The following PDGFD variants were observed in gnomAD, a reference collection of about 807,000 sequenced individuals.
PDGFD encodes the protein platelet-derived growth factor D.
A neutral mutation model predicts 44.7 loss-of-function variants in PDGFD; 30 were observed. The observed-to-expected ratio is 0.67, with a 90% CI of 0.50 to 0.91. The LOEUF (loss-of-function observed/expected upper bound fraction) is 0.91, where lower values mean the gene tolerates loss of function less well. Ranked by LOEUF, PDGFD falls within the 40% of genes least tolerant of loss-of-function variation. The pLI, the probability that PDGFD is intolerant of heterozygous loss-of-function variation, is 0.00. For synonymous variants in PDGFD, 173 were observed against 168.4 expected (o/e 1.03, Z -0.21); for missense variants, 445 against 457.8 (o/e 0.97, Z 0.25).
At position 103,907,383 on chromosome 11, in the gene PDGFD, G is replaced by T. The variant is rs917667680; in HGVS notation, c.*2311C>A. The T allele has an allele frequency of 6.6e-6, 1 of 152,190 alleles. No homozygotes were observed. The highest frequency in any genetic ancestry group is 2.4e-5 in the African/African-American group (1 of 41,450). 9.4% of individuals were successfully genotyped at this position (152,190 alleles called of 1,614,324 possible). A position where few individuals can be genotyped will look rare whatever the true frequency, so the allele number is the denominator to read the frequency against. On this transcript the variant is annotated 3_prime_UTR_variant, in exon 7 of 7. Coordinates refer to ENST00000393158, the MANE Select transcript of PDGFD (RefSeq NM_025208.5). ...TTATTCCAGGTGAATGAGCCATGCG[G>T]AAATGTGGATTTATTAGGGTTTGTT...
intron 1 of PDGFD, among the ~76,000 whole-genome samples, chr11:104,106,436 T>C (rs1195870997): frequency 6.6e-6 from 1 of 152,222 alleles, no homozygotes; most frequent in Non-Finnish European, 1.5e-5. Context: ...CAAAAACTTC[T>C]GTTTGTGTTT....
At position 103,915,735 on chromosome 11, in the gene PDGFD, C is replaced by T. The variant is rs1858113191; in HGVS notation, c.988-5916G>A. On this transcript the variant is annotated intron_variant, in intron 6 of 6. Coordinates refer to ENST00000393158, the MANE Select transcript of PDGFD (RefSeq NM_025208.5). ...AACCAAAACTGCATGGTACTGGTACCAAAACAGATATATAGACCAATGGAA... is the reference window on the plus strand; with the variant it reads ...AACCAAAACTGCATGGTACTGGTACTAAAACAGATATATAGACCAATGGAA... Among the ~76,000 whole-genome samples, 3 of 152,142 alleles carry T rather than the reference C, an allele frequency of 2.0e-5. No individual in the cohort carries two copies. In the Middle Eastern group the frequency reaches 0.01, roughly 517 times the overall value.
chr11:104,095,298 T>C (rs1861268381), intron 1 of PDGFD, among the ~76,000 whole-genome samples: 1 of 152,114 alleles, frequency 6.6e-6, no homozygotes, highest in Non-Finnish European at 1.5e-5. Context: ...TTTTTTTCAA[T>C]ACTGTATACG....
chr11:104,038,185 G>A, intron 1 of PDGFD: 1 of 686,974 alleles, frequency 1.5e-6, no homozygotes, highest in Non-Finnish European at 2.4e-6. Flanking sequence ...CTTGGTCTTG[G>A]TCCCTCTTCC....
intron 3 of PDGFD, among the ~76,000 whole-genome samples, chr11:103,970,529 CA>C: frequency 6.6e-6 from 1 of 152,156 alleles, no homozygotes; most frequent in Admixed American, 6.5e-5. Context: ...AATCATTTTG[CA>C]AGTACTTTAA....
chr11:103,915,320 C>T (rs1326392712), intron 6 of PDGFD, among the ~76,000 whole-genome samples: 1 of 152,056 alleles, frequency 6.6e-6, no homozygotes, highest in African/African-American at 2.4e-5. Flanking sequence ...AACAGAGAGC[C>T]AAATCATGAG....
intron 6 of PDGFD, among the ~76,000 whole-genome samples, chr11:103,921,790 TGTGC>T (rs1433918495): frequency 6.7e-6 from 1 of 149,844 alleles, no homozygotes; most frequent in African/African-American, 2.5e-5. Context: ...ATGCTATAAA[TGTGC>T]CAGAATCAGA....
intron 1 of PDGFD, among the ~76,000 whole-genome samples, chr11:104,119,670 G>A (rs1021036544): frequency 1.5e-4 from 11 of 73,990 alleles, no homozygotes; most frequent in African/African-American, 4.4e-4. Flanking sequence ...ATTATATATC[G>A]ATATATATAT....
intron 3 of PDGFD, among the ~76,000 whole-genome samples, chr11:103,964,107 T>A (rs1421893571): frequency 1.3e-5 from 2 of 152,182 alleles, no homozygotes; most frequent in African/African-American, 4.8e-5. Context: ...CTTGGTCATG[T>A]GATTTGCTTT....
In PDGFD at chr11:104,163,838, G is replaced by C; in HGVS notation, c.90C>G (p.Ile30Met). Reference sequence around the variant, plus strand: ...TGAGGTTGGCGTTGCGCAAAGCTTTGATGGATGCGCTCTGCGGGGTTGCAG... The same window carrying C: ...TGAGGTTGGCGTTGCGCAAAGCTTTCATGGATGCGCTCTGCGGGGTTGCAG... ...DTSATPQSAS[I>M]KALRNANLRR... is the part of the protein sequence containing the mutation. Residue 30 changes from isoleucine (I) to methionine (M), a missense_variant, in exon 1 of 7, where the codon ATC becomes ATG. Coordinates refer to ENST00000393158, the MANE Select transcript of PDGFD (RefSeq NM_025208.5). The C allele has an allele frequency of 1.3e-6, 2 of 1,571,566 alleles. No individual in the cohort carries two copies. Among genetic ancestry groups the C allele is most frequent in the Non-Finnish European group, 1.7e-6 (2 of 1,149,248 alleles).
chr11:104,039,414 A>C (rs918541047), intron 1 of PDGFD, among the ~76,000 whole-genome samples: 2 of 152,124 alleles, frequency 1.3e-5, no homozygotes, highest in Non-Finnish European at 2.9e-5. Flanking sequence ...GATACAGAAA[A>C]AAATAACTCT....
At chr11:104,082,626 TTG>T (rs1861061082) in intron 1 of PDGFD, among the ~76,000 whole-genome samples, 1 of 1,596 alleles carries the variant, frequency 6.3e-4, no homozygotes, top group South Asian at 0.045. Context: ...ATAAATAAAT[TTG>T]TTTTTTTTTG....
rs570682367 is a variant in PDGFD, at chr11:104,118,716, AT to A, written c.124+45087del. On this transcript the variant is annotated intron_variant, in intron 1 of 6. Coordinates refer to ENST00000393158, the MANE Select transcript of PDGFD (RefSeq NM_025208.5). The stretch of plus-strand genomic sequence containing the variant: ...TCACCATCTCCTTAATTTATATATT[AT>A]TATGTTATTAATATATTAATATATA... Among the ~76,000 whole-genome samples the A allele has an allele frequency of 7.1e-3, 576 of 81,612 alleles. 11 individuals are homozygous for A. The highest frequency in any genetic ancestry group is 0.024 in the African/African-American group (537 of 22,764). The allele number at this position is 81,612 out of a possible 152,430, so 53.5% of individuals were successfully genotyped here. A position where few individuals can be genotyped will look rare whatever the true frequency, so the allele number is the denominator to read the frequency against.
At position 103,925,716 on chromosome 11, in the gene PDGFD, C is replaced by CACATATAT. The variant is rs1198529368; in HGVS notation, c.987+1195_987+1196insATATATGT. Among the ~76,000 whole-genome samples the CACATATAT allele has an allele frequency of 4.5e-3, 556 of 122,756 alleles. 9 individuals are homozygous for CACATATAT. The highest frequency in any genetic ancestry group is 0.017 in the African/African-American group (524 of 31,074). The allele number at this position is 122,756 out of a possible 152,430, so 80.5% of individuals were successfully genotyped here. A position where few individuals can be genotyped will look rare whatever the true frequency, so the allele number is the denominator to read the frequency against. Reference sequence around the variant, plus strand: ...ATATATATACACAGACACACACACACATATATATATATATATATATGTAAT... The same window carrying CACATATAT: ...ATATATATACACAGACACACACACACACATATATATATATATATATATATATATGTAAT... On this transcript the variant is annotated intron_variant, in intron 6 of 6. Transcript: ENST00000393158.
Position 104,030,165 on chromosome 11 carries a change from CATT to C in PDGFD, c.125-29913_125-29911del, listed in dbSNP as rs145923619. ...CTTAGGTCCCATTTTAAAGACATCT[CATT>C]ATGTATAAGCGAATATTCCAAAACT... On this transcript the variant is annotated intron_variant, in intron 1 of 6. Transcript: ENST00000393158. 1.5e-4 allele frequency among the ~76,000 whole-genome samples: 23 copies of C among 152,340 alleles called. No homozygotes were observed. In the East Asian group the frequency reaches 4.4e-3, roughly 29 times the overall value.
In PDGFD at chr11:104,034,574, T is replaced by G. The variant is rs1860187533; in HGVS notation, c.125-34319A>C. Reference sequence around the variant, plus strand: ...GAAACTAGGCAGAGGATATCGACTATCTTGGTTCATAAGTAGGTACACCTG... The same window carrying G: ...GAAACTAGGCAGAGGATATCGACTAGCTTGGTTCATAAGTAGGTACACCTG... On this transcript the variant is annotated intron_variant, in intron 1 of 6. Coordinates refer to ENST00000393158, the MANE Select transcript of PDGFD (RefSeq NM_025208.5). 2.0e-5 allele frequency among the ~76,000 whole-genome samples: 3 copies of G among 151,746 alleles called. No homozygotes were observed. In the South Asian group the frequency reaches 6.2e-4, roughly 32 times the overall value.
intron 1 of PDGFD, among the ~76,000 whole-genome samples, chr11:104,140,229 T>G (rs1317242362): frequency 2.0e-5 from 3 of 152,302 alleles, no homozygotes; most frequent in South Asian, 2.1e-4. Flanking sequence ...ATAATGCCAA[T>G]TAGCATTTTG....
At position 103,968,346 on chromosome 11, in the gene PDGFD, C is replaced by T. The variant is rs566855913; in HGVS notation, c.511-20622G>A. ...CAAGAAATCTTTACTGAGATCAGAT[C>T]GTTTTCCCAAATTCCCTCTGGCCAT... On this transcript the variant is annotated intron_variant, in intron 3 of 6. Coordinates refer to ENST00000393158, the MANE Select transcript of PDGFD (RefSeq NM_025208.5). 5.6e-4 allele frequency among the ~76,000 whole-genome samples: 85 copies of T among 152,260 alleles called. 1 individual carries two copies. In the Middle Eastern group the frequency reaches 0.017, roughly 30 times the overall value.
chr11:103,918,255 T>C (rs965154683), intron 6 of PDGFD, among the ~76,000 whole-genome samples: 1 of 152,192 alleles, frequency 6.6e-6, no homozygotes, highest in Non-Finnish European at 1.5e-5. Flanking sequence ...GCACTTACAA[T>C]AGGTACCTTG....
Sources: gnomAD v4.1 joint callset for allele counts (sites outside exome capture counted in the v4.1 genomes callset) on GRCh38, gnomAD v4.1.1 for gene constraint, MANE v1.5 for transcripts, NCBI Gene and HGNC (gene_info 2026-07-23, HGNC 2026-07-21) for gene names.